Variants in LRRC7 observed in about 807,000 individuals in gnomAD.
LRRC7 encodes the protein leucine rich repeat containing 7, also known as leucine-rich repeat-containing protein 7.
In LRRC7, 23 loss-of-function variants were observed where a neutral mutation model predicts 175.7. The observed-to-expected ratio is 0.13, with a 90% confidence interval of 0.09 to 0.19. The LOEUF is 0.19. LRRC7 is among the 10% of genes least tolerant of loss of function. LRRC7 has a pLI of 1.00. For missense variants in LRRC7, 1,354 were observed against 1,904.7 expected, an observed-to-expected ratio of 0.71 and a Z score of 5.38; for synonymous variants, 685 against 680.9, an observed-to-expected ratio of 1.01 and a Z score of -0.09.
At chr1:69,973,331 G>A (rs1652463977) in intron 8 of LRRC7, among the ~76,000 whole-genome samples, 1 of 151,878 alleles carries the variant, frequency 6.6e-6, no homozygotes, top group Non-Finnish European at 1.5e-5. Flanking sequence ...CAAATTGGGT[G>A]CAGTGTATAC....
intron 1 of LRRC7, among the ~76,000 whole-genome samples, chr1:69,670,248 G>A (rs1386562380): frequency 1.3e-5 from 2 of 152,140 alleles, no homozygotes; most frequent in Non-Finnish European, 2.9e-5. Flanking sequence ...GTATTCAAAA[G>A]GACATGGGTG....
At chr1:69,877,004 T>C (rs779603053) in intron 7 of LRRC7, among the ~76,000 whole-genome samples, 12 of 152,002 alleles carry the variant, frequency 7.9e-5, no homozygotes, top group African/African-American at 1.7e-4. Context: ...AAACCATAAA[T>C]TGGAATTTTA....
intron 2 of LRRC7, among the ~76,000 whole-genome samples, chr1:69,710,070 G>A (rs1416295291): frequency 6.6e-6 from 1 of 151,972 alleles, no homozygotes; most frequent in East Asian, 1.9e-4. Context: ...CAGGTCAGGA[G>A]ATCAAGCCCA....
At chr1:69,624,856 A>G (rs958819870) in intron 1 of LRRC7, among the ~76,000 whole-genome samples, 1 of 152,026 alleles carries the variant, frequency 6.6e-6, no homozygotes, top group African/African-American at 2.4e-5. Flanking sequence ...TCATTGATCT[A>G]TTTCTCAGTC....
At chr1:69,908,098 A>T (rs183521867) in intron 7 of LRRC7, among the ~76,000 whole-genome samples, 9 of 152,296 alleles carry the variant, frequency 5.9e-5, no homozygotes, top group African/African-American at 2.2e-4. Flanking sequence ...CTGTGACATC[A>T]GTGGTGATAT....
chr1:69,797,640 C>T (rs940297088), intron 4 of LRRC7, among the ~76,000 whole-genome samples: 1 of 152,116 alleles, frequency 6.6e-6, no homozygotes, highest in African/African-American at 2.4e-5. Context: ...AAACTAGTCC[C>T]ATATCTCTTT....
chr1:69,635,547 A>G (rs929449425), intron 1 of LRRC7, among the ~76,000 whole-genome samples: 4 of 152,150 alleles, frequency 2.6e-5, no homozygotes, highest in African/African-American at 7.2e-5. Context: ...TTGACAAAAA[A>G]AGATTTTTTA....
At chr1:69,587,872 T>A (rs756479468) in intron 1 of LRRC7, among the ~76,000 whole-genome samples, 15 of 152,204 alleles carry the variant, frequency 9.9e-5, no homozygotes, top group Non-Finnish European at 1.5e-4. Context: ...CATGTGGAAC[T>A]GTGAGTCAAT....
chr1:70,117,488 T>C (rs1449847866), intron 26 of LRRC7, among the ~76,000 whole-genome samples: 1 of 152,192 alleles, frequency 6.6e-6, no homozygotes, highest in East Asian at 1.9e-4. Flanking sequence ...TTGCAAATAC[T>C]ATTTTCATTA....
In LRRC7 at chr1:69,879,232, A is replaced by C. The variant is rs924193402; in HGVS notation, c.647+40949A>C. 6.1e-5 allele frequency among the ~76,000 whole-genome samples: 9 copies of C among 148,028 alleles called. No individual in the cohort carries two copies. The South Asian group carries it at 1.5e-3, about 25-fold the overall frequency. On this transcript the variant is annotated intron_variant, in intron 7 of 26. Transcript: ENST00000651989. ...TGCTTTAAAAAAAAAAAAAAAAAAA[A>C]AAAAGACTGCGCACTGGCCAGAATA...
chr1:70,011,725 GAT>G, intron 11 of LRRC7, 70 bp from the exon 12 acceptor site: 1 of 1,036,874 alleles, frequency 9.6e-7, no homozygotes, highest in East Asian at 2.5e-5. Context: ...GTGAATTTTG[GAT>G]ATGTGGCTTT....
intron 1 of LRRC7, among the ~76,000 whole-genome samples, chr1:69,675,903 C>T (rs918470412): frequency 3.3e-5 from 5 of 151,802 alleles, no homozygotes; most frequent in Non-Finnish European, 5.9e-5. Flanking sequence ...AACTTTTTCT[C>T]ACTTGACATG....
chr1:69,830,456 T>G (rs1680401566), intron 5 of LRRC7, among the ~76,000 whole-genome samples: 1 of 151,884 alleles, frequency 6.6e-6, no homozygotes, highest in Admixed American at 6.6e-5. Context: ...TATATATGAT[T>G]TTTCAAATAA....
At chr1:69,899,226 T>C (rs1042368783) in intron 7 of LRRC7, among the ~76,000 whole-genome samples, 2 of 152,216 alleles carry the variant, frequency 1.3e-5, no homozygotes, top group African/African-American at 4.8e-5. Flanking sequence ...TTTTGTATCA[T>C]TGTGGTCACA....
intron 1 of LRRC7, among the ~76,000 whole-genome samples, chr1:69,578,301 G>A (rs1408504272): frequency 2.0e-5 from 3 of 150,168 alleles, no homozygotes; most frequent in Admixed American, 6.6e-5. Context: ...AACAGGTGCT[G>A]GAGAGGATGT....
chr1:69,717,928 AAAAGAAAG>A (rs201977986), intron 2 of LRRC7, among the ~76,000 whole-genome samples: 2,278 of 55,964 alleles, frequency 0.041, 241 homozygotes, highest in Non-Finnish European at 0.047. Flanking sequence ...AGAAAAAAAG[AAAAGAAAG>A]AAAGAAAGAA....
In LRRC7 at chr1:69,819,141, T is replaced by TAATTA. The variant is rs536774736; in HGVS notation, c.422-6607_422-6606insAATTA. Reference sequence around the variant, plus strand: ...TTCTTATTTTTCTAATTACTTGAAGTGTAAAGTTAGCTTGTTTATTTGAGA... The same window carrying TAATTA: ...TTCTTATTTTTCTAATTACTTGAAGTAATTAGTAAAGTTAGCTTGTTTATTTGAGA... On this transcript the variant is annotated intron_variant, in intron 4 of 26. Transcript: ENST00000651989. Among the ~76,000 whole-genome samples the TAATTA allele has an allele frequency of 7.0e-4, 106 of 152,254 alleles. 1 individual carries two copies. Among genetic ancestry groups the TAATTA allele is most frequent in the African/African-American group, 2.3e-3 (95 of 41,586 alleles).
intron 8 of LRRC7, among the ~76,000 whole-genome samples, chr1:69,957,498 A>G (rs1650620228): frequency 6.6e-6 from 1 of 151,902 alleles, no homozygotes. Context: ...GATTGGTGAT[A>G]TAATTTTTTT....
chr1:69,637,625 G>C (rs1384227519), intron 1 of LRRC7, among the ~76,000 whole-genome samples: 1 of 151,874 alleles, frequency 6.6e-6, no homozygotes, highest in African/African-American at 2.4e-5. Flanking sequence ...GTATTCCTCA[G>C]GGTTATGAAA....
Sources: allele counts gnomAD v4.1 joint callset (sites outside exome capture counted in the v4.1 genomes callset), GRCh38; gene constraint gnomAD v4.1.1; transcripts MANE v1.5; gene names NCBI Gene and HGNC (gene_info 2026-07-23, HGNC 2026-07-21).